Variants in UMAD1 observed in about 807,000 individuals in gnomAD.
UMAD1 encodes the protein UBAP1-MVB12-associated (UMA)-domain containing protein 1.
A neutral mutation model predicts 6.1 loss-of-function variants in UMAD1; 8 were observed. The observed-to-expected ratio is 1.30, with a 90% confidence interval of 0.76 to 2.35. The LOEUF (loss-of-function observed/expected upper bound fraction) is 2.35, where lower values mean the gene tolerates loss of function less well. Ranked by LOEUF, UMAD1 falls within the 30% of genes most tolerant of loss-of-function variation. The pLI is 0.00. For synonymous variants in UMAD1, 56 were observed against 31.4 expected (o/e 1.78, Z -2.61); for missense variants, 130 against 78.4 (o/e 1.66, Z -2.49).
intron 2 of UMAD1, among the ~76,000 whole-genome samples, chr7:7,692,772 G>A (rs997015098): frequency 2.0e-5 from 3 of 152,088 alleles, no homozygotes; most frequent in Non-Finnish European, 4.4e-5. Context: ...ACCATGCCCA[G>A]CTAATTTTCG....
At chr7:7,773,968 C>T (rs532056045) in intron 2 of UMAD1, among the ~76,000 whole-genome samples, 6 of 152,252 alleles carry the variant, frequency 3.9e-5, no homozygotes, top group South Asian at 4.2e-4. Context: ...TCACTGATGG[C>T]GGCTCTCTAC....
At chr7:7,657,351 C>T (rs762084261) in intron 1 of UMAD1, among the ~76,000 whole-genome samples, 9 of 152,066 alleles carry the variant, frequency 5.9e-5, no homozygotes, top group Admixed American at 3.3e-4. Context: ...CTTTTGTTGC[C>T]GTTGCTTTTG....
At position 7,673,394 on chromosome 7, in the gene UMAD1, C is replaced by A; in HGVS notation, c.23C>A (p.Pro8His). The A allele has an allele frequency of 8.5e-7, 1 of 1,182,042 alleles. No homozygotes were observed. Among genetic ancestry groups the A allele is most frequent in the Non-Finnish European group, 1.2e-6 (1 of 821,308 alleles). 73.2% of individuals were successfully genotyped at this position (1,182,042 alleles called of 1,614,324 possible). A position where few individuals can be genotyped will look rare whatever the true frequency, so the allele number is the denominator to read the frequency against. MFHFFRK[P>H]PESKKPSVPE... The stretch of plus-strand genomic sequence containing the variant: ...GCAATGTTTCACTTCTTCAGAAAGC[C>A]TCCGGAATCTAAAAAGCCCTCAGTA... The change falls in exon 2 of 4, where the codon CCT becomes CAT. Residue 8 changes from proline (P) to histidine (H), a missense_variant. Transcript: ENST00000682710.
intron 3 of UMAD1, among the ~76,000 whole-genome samples, chr7:7,813,668 C>G (rs1374723549): frequency 6.6e-6 from 1 of 151,954 alleles, no homozygotes; most frequent in Non-Finnish European, 1.5e-5. Flanking sequence ...GGTTGTATAA[C>G]CCTACTTTTT....
At chr7:7,764,893 T>C (rs994736292) in intron 2 of UMAD1, among the ~76,000 whole-genome samples, 1 of 152,184 alleles carries the variant, frequency 6.6e-6, no homozygotes, top group Non-Finnish European at 1.5e-5. Context: ...TTTGAAGCAC[T>C]TCCTTCCCTG....
intron 2 of UMAD1, among the ~76,000 whole-genome samples, chr7:7,743,584 T>G (rs1177153596): frequency 1.3e-5 from 2 of 151,998 alleles, no homozygotes; most frequent in Non-Finnish European, 2.9e-5. Context: ...TTATAACACG[T>G]TTTAGATGTG....
chr7:7,758,068 AC>A (rs1335889281), intron 2 of UMAD1, among the ~76,000 whole-genome samples: 1 of 151,946 alleles, frequency 6.6e-6, no homozygotes, highest in Non-Finnish European at 1.5e-5. Flanking sequence ...AATTATTTTT[AC>A]ATTATTATTA....
intron 2 of UMAD1, among the ~76,000 whole-genome samples, chr7:7,703,295 G>A (rs911581442): frequency 4.6e-5 from 7 of 152,090 alleles, no homozygotes; most frequent in African/African-American, 1.2e-4. Flanking sequence ...TATGGAATTC[G>A]TGTGTTCTCA....
chr7:7,814,098 T>C (rs931406437), intron 3 of UMAD1, among the ~76,000 whole-genome samples: 2 of 152,030 alleles, frequency 1.3e-5, no homozygotes, highest in African/African-American at 2.4e-5. Context: ...ATTCTCCTGC[T>C]TCAGCCTCCC....
At position 7,747,938 on chromosome 7, in the gene UMAD1, C is replaced by T. The variant is rs560992185; in HGVS notation, c.83-53732C>T. Reference sequence around the variant, plus strand: ...AAGTAGGAAAACAATGCATAATCATCTAATAAAGTATATGTTTTATGATTA... The same window carrying T: ...AAGTAGGAAAACAATGCATAATCATTTAATAAAGTATATGTTTTATGATTA... On this transcript the variant is annotated intron_variant, in intron 2 of 3. Transcript: ENST00000682710. Among the ~76,000 whole-genome samples the T allele has an allele frequency of 2.0e-5, 3 of 152,190 alleles. No homozygotes were observed. In the East Asian group the frequency reaches 5.8e-4, roughly 29 times the overall value.
At chr7:7,702,842 C>A (rs1034286649) in intron 2 of UMAD1, among the ~76,000 whole-genome samples, 1 of 152,106 alleles carries the variant, frequency 6.6e-6, no homozygotes, top group African/African-American at 2.4e-5. Context: ...TGCTTAGAGA[C>A]AAGTCAACCA....
At chr7:7,667,615 A>G (rs1189193284) in intron 1 of UMAD1, among the ~76,000 whole-genome samples, 1 of 152,212 alleles carries the variant, frequency 6.6e-6, no homozygotes, top group Non-Finnish European at 1.5e-5. Context: ...AAAAGTATGA[A>G]GTAAGTGAAG....
chr7:7,840,934 C>T (rs741049), intron 3 of UMAD1, among the ~76,000 whole-genome samples: 79,650 of 151,928 alleles, frequency 0.52, 23,129 homozygotes, highest in Middle Eastern at 0.68. Context: ...TGTCAGAAGC[C>T]AGCAGGTTAG....
chr7:7,722,506 A>T (rs775412465), intron 2 of UMAD1, among the ~76,000 whole-genome samples: 2 of 152,174 alleles, frequency 1.3e-5, no homozygotes, highest in Non-Finnish European at 1.5e-5. Context: ...GACTCTGTAC[A>T]TAATACCTTA....
chr7:7,780,625 A>T (rs970606057), intron 2 of UMAD1, among the ~76,000 whole-genome samples: 5 of 152,210 alleles, frequency 3.3e-5, no homozygotes, highest in Non-Finnish European at 7.3e-5. Context: ...CACTCCTTTC[A>T]GTCACTTCAT....
chr7:7,725,947 G>T (rs1038600915), intron 2 of UMAD1, among the ~76,000 whole-genome samples: 3 of 152,196 alleles, frequency 2.0e-5, no homozygotes, highest in Non-Finnish European at 2.9e-5. Flanking sequence ...GGACATCCCT[G>T]AAGGACAGTG....
chr7:7,727,695 G>C lies in UMAD1; in HGVS notation c.82+54242G>C, dbSNP rs531548304. ...CAGGATATAAAGCAGGCAGGAAAACGTGAAAAGGCTAGACAGGCTTAGCCT... is the reference window on the plus strand; with the variant it reads ...CAGGATATAAAGCAGGCAGGAAAACCTGAAAAGGCTAGACAGGCTTAGCCT... On this transcript the variant is annotated intron_variant, in intron 2 of 3. Transcript: ENST00000682710. Among the ~76,000 whole-genome samples, 4 of 152,294 alleles carry C rather than the reference G, an allele frequency of 2.6e-5. No homozygotes were observed. The East Asian group carries it at 5.8e-4, about 22-fold the overall frequency.
chr7:7,753,210 G>A (rs1485403184), intron 2 of UMAD1, among the ~76,000 whole-genome samples: 2 of 152,126 alleles, frequency 1.3e-5, no homozygotes, highest in Admixed American at 6.5e-5. Flanking sequence ...GGCATACATT[G>A]TGTAATAATC....
At position 7,781,136 on chromosome 7, in the gene UMAD1, A is replaced by G. The variant is rs1033477817; in HGVS notation, c.83-20534A>G. On this transcript the variant is annotated intron_variant, in intron 2 of 3. Transcript: ENST00000682710. ...CTGTTTACTTTCCTGCTGGCACAGT[A>G]CCTGACACATAAACATTCAATAACA... Among the ~76,000 whole-genome samples the G allele has an allele frequency of 7.2e-5, 11 of 152,304 alleles. No homozygotes were observed. In the East Asian group the frequency reaches 2.1e-3, roughly 29 times the overall value.
Sources: allele counts gnomAD v4.1 joint callset (sites outside exome capture counted in the v4.1 genomes callset), GRCh38; gene constraint gnomAD v4.1.1; transcripts MANE v1.5; gene names NCBI Gene and HGNC (gene_info 2026-07-23, HGNC 2026-07-21).